The following FAHD2A variants were observed in gnomAD, a reference collection of about 807,000 sequenced individuals.
The protein encoded by FAHD2A is oxaloacetate tautomerase FAHD2A, mitochondrial.
FAHD2A carries 27 observed loss-of-function variants against 33.4 expected under a neutral mutation model. The ratio of observed to expected loss-of-function variants is 0.81; its 90% CI spans 0.60 to 1.11. The LOEUF (loss-of-function observed/expected upper bound fraction) is 1.11. Ranked by LOEUF, FAHD2A falls within the 50% of genes most tolerant of loss-of-function variation. The pLI is 0.00. For synonymous variants in FAHD2A, 130 were observed against 153.3 expected, an observed-to-expected ratio of 0.85 and a Z score of 1.12; for missense variants, 296 against 395.0, an observed-to-expected ratio of 0.75 and a Z score of 2.12.
At chr2:95,407,473 C>T (rs368345887) in intron 3 of FAHD2A, 74 of 431,256 alleles carry the variant, frequency 1.7e-4, no homozygotes, top group South Asian at 3.8e-4. Context: ...AGTGTTTCTC[C>T]GCTCCTGTAT....
At chr2:95,416,850 T>C (rs1361429968), downstream of FAHD2A, among the ~76,000 whole-genome samples, 3 of 152,234 alleles carry the variant, frequency 2.0e-5, no homozygotes, top group East Asian at 5.8e-4. Flanking sequence ...TAACTACCCC[T>C]GAACACTCCT....
At chr2:95,417,424 A>C (rs1480353887), downstream of FAHD2A, among the ~76,000 whole-genome samples, 1 of 152,114 alleles carries the variant, frequency 6.6e-6, no homozygotes, top group Non-Finnish European at 1.5e-5. Context: ...CTACATTTAC[A>C]GGAAGCTGGC....
Position 95,413,605 on chromosome 2 carries a change from C to T in FAHD2A, c.*648C>T, listed in dbSNP as rs972245770. On this transcript the variant is annotated 3_prime_UTR_variant, in exon 8 of 8. Coordinates refer to ENST00000233379, the MANE Select transcript of FAHD2A (RefSeq NM_016044.3). The stretch of plus-strand genomic sequence containing the variant: ...AGATGGGCCGTGAGTGCACTCACCA[C>T]AGGGACTGTGTCCACATGGCCCAGG... 8.0e-6 allele frequency: 12 copies of T among 1,507,434 alleles called. No individual in the cohort carries two copies. The highest frequency in any genetic ancestry group is 1.3e-5 in the South Asian group (1 of 75,612). 93.4% of individuals were successfully genotyped at this position (1,507,434 alleles called of 1,614,324 possible).
At chr2:95,409,153 A>G (rs1682081387) in intron 3 of FAHD2A, among the ~76,000 whole-genome samples, 1 of 152,148 alleles carries the variant, frequency 6.6e-6, no homozygotes, top group Non-Finnish European at 1.5e-5. Context: ...GCTGACATTC[A>G]CTAGGTCCCT....
downstream of FAHD2A, among the ~76,000 whole-genome samples, chr2:95,419,706 G>A (rs138984029): frequency 0.028 from 4,315 of 152,044 alleles, 246 homozygotes; most frequent in African/African-American, 0.1. Flanking sequence ...ATTAGTCAGA[G>A]TTCTCCAGAG....
chr2:95,405,349 G>T (rs1350407109), intron 1 of FAHD2A: 6 of 621,344 alleles, frequency 9.7e-6, no homozygotes, highest in Non-Finnish European at 5.4e-6. Flanking sequence ...GACTTACTGC[G>T]TAGCATGTAG....
chr2:95,417,504 A>T (rs1390325922), downstream of FAHD2A, among the ~76,000 whole-genome samples: 1 of 152,216 alleles, frequency 6.6e-6, no homozygotes, highest in East Asian at 1.9e-4. Context: ...TCACATATTT[A>T]CCTATGAGAG....
rs971026355 is a variant in FAHD2A, at chr2:95,414,363, A to G, written c.*1406A>G. ...AGTGCTGGGTGGATATAGAGTATGA[A>G]GATGTGGAGCTGGGAAAACAGAGGA... On this transcript the variant is annotated 3_prime_UTR_variant, in exon 8 of 8. Coordinates refer to ENST00000233379, the MANE Select transcript of FAHD2A (RefSeq NM_016044.3). 2.5e-4 allele frequency: 176 copies of G among 712,804 alleles called. No homozygotes were observed. Among genetic ancestry groups the G allele is most frequent in the South Asian group, 7.9e-5 (5 of 63,554 alleles). The allele number at this position is 712,804 out of a possible 1,614,324, so 44.2% of individuals were successfully genotyped here.
At chr2:95,406,426 G>A (rs1306045424) in intron 2 of FAHD2A, among the ~76,000 whole-genome samples, 11 of 150,276 alleles carry the variant, frequency 7.3e-5, no homozygotes, top group Non-Finnish European at 1.6e-4. Context: ...GCAAAGACTG[G>A]AAATCTCCAT....
intron 5 of FAHD2A, among the ~76,000 whole-genome samples, chr2:95,411,571 C>T (rs1267226814): frequency 1.3e-5 from 2 of 152,224 alleles, no homozygotes; most frequent in African/African-American, 4.8e-5. Flanking sequence ...GCCAGGATAC[C>T]AAAGACCCCA....
intron 3 of FAHD2A, among the ~76,000 whole-genome samples, chr2:95,407,865 C>A (rs1235790330): frequency 3.3e-5 from 5 of 152,136 alleles, no homozygotes; most frequent in Non-Finnish European, 7.4e-5. Flanking sequence ...ACACTGGTTA[C>A]TTTTTCTCTC....
downstream of FAHD2A, chr2:95,416,722 A>G (rs1310320643): frequency 6.6e-6 from 1 of 152,398 alleles, no homozygotes; most frequent in South Asian, 2.1e-4. Context: ...AGTTTCAGCT[A>G]TCCAGGAAGG....
rs1682866787 is a variant in FAHD2A, at chr2:95,413,580, A to G, written c.*623A>G. On this transcript the variant is annotated 3_prime_UTR_variant, in exon 8 of 8. Transcript: ENST00000233379. ...TCTGCTGCAGAACCTGGGCCATGGA[A>G]GATGGGCCGTGAGTGCACTCACCAC... 6.4e-7 allele frequency: 1 copy of G among 1,556,806 alleles called. No homozygotes were observed. Among genetic ancestry groups the G allele is most frequent in the African/African-American group, 1.4e-5 (1 of 73,358 alleles).
In FAHD2A at chr2:95,416,589, G is replaced by T. The variant is rs1683184146; in HGVS notation, c.*3632G>T. Reference sequence around the variant, plus strand: ...ACCCCACACATATTCACAAATAAAAGAAAATAACAAATGACATGAATTCTT... The same window carrying T: ...ACCCCACACATATTCACAAATAAAATAAAATAACAAATGACATGAATTCTT... On this transcript the variant is annotated 3_prime_UTR_variant, in exon 8 of 8. Transcript: ENST00000233379. 1 of 152,226 alleles carries T rather than the reference G, an allele frequency of 6.6e-6. No homozygotes were observed. The highest frequency in any genetic ancestry group is 2.4e-5 in the African/African-American group (1 of 41,434). The allele number at this position is 152,226 out of a possible 1,614,324, so 9.4% of individuals were successfully genotyped here.
chr2:95,420,491 C>T (rs573845735), downstream of FAHD2A, among the ~76,000 whole-genome samples: 296 of 151,892 alleles, frequency 1.9e-3, 2 homozygotes, highest in Middle Eastern at 6.8e-3. Flanking sequence ...TTGCATCATC[C>T]AGTCCCCATT....
intron 1 of FAHD2A, among the ~76,000 whole-genome samples, chr2:95,404,594 C>A (rs1681233983): frequency 6.6e-6 from 1 of 152,196 alleles, no homozygotes; most frequent in Non-Finnish European, 1.5e-5. Context: ...CTACAACTGG[C>A]CCTTGTGGGA....
downstream of FAHD2A, among the ~76,000 whole-genome samples, chr2:95,420,177 T>C (rs2544460): frequency 1.8e-4 from 28 of 152,166 alleles, no homozygotes; most frequent in South Asian, 1.2e-3. Context: ...TTCAAATGCA[T>C]ATCTCATCCA....
intron 1 of FAHD2A, 147 bp from the exon 2 acceptor site, chr2:95,405,406 A>G: frequency 8.1e-7 from 1 of 1,241,746 alleles, no homozygotes; most frequent in East Asian, 2.4e-5. Context: ...ATAGCAGGTA[A>G]AATACAAGCC....
chr2:95,409,328 T>A (rs1682109909), intron 3 of FAHD2A, among the ~76,000 whole-genome samples: 1 of 152,158 alleles, frequency 6.6e-6, no homozygotes, highest in African/African-American at 2.4e-5. Context: ...GACCTTTTTT[T>A]TTTTTGAGAC....
Sources: gnomAD v4.1 joint callset for allele counts (sites outside exome capture counted in the v4.1 genomes callset) on GRCh38, gnomAD v4.1.1 for gene constraint, MANE v1.5 for transcripts, NCBI Gene and HGNC (gene_info 2026-07-23, HGNC 2026-07-21) for gene names.